FHIT: variants seen among roughly 807,000 people sequenced by gnomAD.
FHIT encodes fragile histidine triad diadenosine triphosphatase, also known as bis(5'-adenosyl)-triphosphatase.
In FHIT, 19 loss-of-function variants were observed where a neutral mutation model predicts 17.9. The observed-to-expected ratio is 1.06, with a 90% CI of 0.74 to 1.56. FHIT has a LOEUF of 1.56. Among genes scored for constraint, FHIT ranks in the 40% most tolerant of loss-of-function variants. The pLI is 0.00. For missense variants in FHIT, 248 were observed against 189.2 expected, an observed-to-expected ratio of 1.31 and a Z score of -1.82; for synonymous variants, 81 against 69.7, an observed-to-expected ratio of 1.16 and a Z score of -0.81.
At chr3:60,263,195 A>G (rs1706390355) in intron 5 of FHIT, among the ~76,000 whole-genome samples, 1 of 152,016 alleles carries the variant, frequency 6.6e-6, no homozygotes, top group Non-Finnish European at 1.5e-5. Context: ...GACTGACAAT[A>G]TCAAGTGTTG....
At chr3:61,083,248 T>C (rs1248563882) in intron 2 of FHIT, among the ~76,000 whole-genome samples, 1 of 152,020 alleles carries the variant, frequency 6.6e-6, no homozygotes, top group Admixed American at 6.6e-5. Flanking sequence ...ATCCACAGAG[T>C]TGTGTAACAA....
At chr3:60,307,208 C>T (rs995886403) in intron 5 of FHIT, among the ~76,000 whole-genome samples, 13 of 152,150 alleles carry the variant, frequency 8.5e-5, no homozygotes, top group African/African-American at 2.7e-4. Context: ...AGTAAAACAT[C>T]TCCTCAAAAA....
At chr3:60,655,746 T>C (rs1416513996) in intron 4 of FHIT, among the ~76,000 whole-genome samples, 1 of 152,206 alleles carries the variant, frequency 6.6e-6, no homozygotes, top group African/African-American at 2.4e-5. Context: ...AAGTGCTAAT[T>C]GCATATTCTC....
At chr3:61,190,566 C>T (rs1205448248) in intron 2 of FHIT, among the ~76,000 whole-genome samples, 7 of 152,094 alleles carry the variant, frequency 4.6e-5, no homozygotes, top group Non-Finnish European at 1.0e-4. Flanking sequence ...TTTGACCCAG[C>T]CATCTCATTA....
chr3:60,876,012 A>G (rs1704638477), intron 3 of FHIT, among the ~76,000 whole-genome samples: 1 of 151,026 alleles, frequency 6.6e-6, no homozygotes, highest in Non-Finnish European at 1.5e-5. Flanking sequence ...CCAGGCCTCA[A>G]TGCAATCAGA....
At chr3:60,061,413 G>A (rs1702289659) in intron 5 of FHIT, among the ~76,000 whole-genome samples, 1 of 152,158 alleles carries the variant, frequency 6.6e-6, no homozygotes, top group Non-Finnish European at 1.5e-5. Flanking sequence ...GAGTCTGTTT[G>A]TAGAGATGGA....
intron 4 of FHIT, among the ~76,000 whole-genome samples, chr3:60,559,855 T>C (rs563410318): frequency 7.9e-5 from 12 of 152,318 alleles, no homozygotes; most frequent in Admixed American, 3.3e-4. Flanking sequence ...CTTCAGCTTA[T>C]TGCTAAGATG....
At chr3:59,790,554 T>C (rs1699510770) in intron 8 of FHIT, among the ~76,000 whole-genome samples, 1 of 152,138 alleles carries the variant, frequency 6.6e-6, no homozygotes, top group Non-Finnish European at 1.5e-5. Context: ...ATAAATCATC[T>C]GTCTTCATCA....
chr3:59,980,811 G>GA (rs772061206), intron 7 of FHIT, among the ~76,000 whole-genome samples: 67 of 152,202 alleles, frequency 4.4e-4, no homozygotes, highest in East Asian at 4.3e-3. Context: ...AAGAATGTGA[G>GA]AAAAAAATGT....
chr3:60,631,369 A>G (rs1374892240), intron 4 of FHIT, among the ~76,000 whole-genome samples: 3 of 152,230 alleles, frequency 2.0e-5, no homozygotes, highest in Non-Finnish European at 2.9e-5. Context: ...CAGAGAGCCT[A>G]AAAACAAGAG....
intron 8 of FHIT, among the ~76,000 whole-genome samples, chr3:59,903,177 CA>C (rs1337860705): frequency 2.6e-5 from 4 of 152,070 alleles, no homozygotes; most frequent in African/African-American, 9.7e-5. Flanking sequence ...ATGGAAAAGA[CA>C]GTGGCACACA....
chr3:60,544,729 T>C (rs1190446040), intron 4 of FHIT, among the ~76,000 whole-genome samples: 3 of 151,630 alleles, frequency 2.0e-5, no homozygotes, highest in Non-Finnish European at 2.9e-5. Flanking sequence ...CCCAAGTAGC[T>C]GGGATTGCAG....
intron 1 of FHIT, among the ~76,000 whole-genome samples, chr3:61,203,502 T>C (rs951199230): frequency 1.3e-5 from 2 of 152,070 alleles, no homozygotes; most frequent in African/African-American, 2.4e-5. Flanking sequence ...AAATAAGATA[T>C]GCTTGAATAA....
At chr3:61,127,616 G>T (rs892593284) in intron 2 of FHIT, among the ~76,000 whole-genome samples, 12 of 152,176 alleles carry the variant, frequency 7.9e-5, no homozygotes, top group African/African-American at 2.9e-4. Context: ...TGTAATCCCA[G>T]CACTTTGGGA....
At chr3:60,418,436 A>T (rs1397440453) in intron 5 of FHIT, among the ~76,000 whole-genome samples, 1 of 138,120 alleles carries the variant, frequency 7.2e-6, no homozygotes, top group Non-Finnish European at 1.5e-5. Flanking sequence ...ACGTGTATAC[A>T]CACACACCAC....
intron 8 of FHIT, among the ~76,000 whole-genome samples, chr3:59,912,865 C>T (rs1559724391): frequency 6.6e-6 from 1 of 151,994 alleles, no homozygotes; most frequent in African/African-American, 2.4e-5. Flanking sequence ...AGAAAAAAAG[C>T]AATTTTCTCT....
rs782407048 is a variant in FHIT at position 60,644,832 on chromosome 3, C to G, written c.-17-107853G>C. Reference sequence around the variant, plus strand: ...TCAGACTGAAAGCCTCCAGATCACCCTGTGGCCCCTCCACCTTATTAGCCA... The same window carrying G: ...TCAGACTGAAAGCCTCCAGATCACCGTGTGGCCCCTCCACCTTATTAGCCA... On this transcript the variant is annotated intron_variant, in intron 4 of 9. Transcript: ENST00000492590. 1.1e-3 allele frequency among the ~76,000 whole-genome samples: 171 copies of G among 152,300 alleles called. 1 individual carries two copies. Among genetic ancestry groups the G allele is most frequent in the Non-Finnish European group, 1.6e-3 (111 of 68,020 alleles).
rs545048442 is a variant in FHIT, at chr3:60,533,113, C to T, written c.103+3747G>A. On this transcript the variant is annotated intron_variant, in intron 5 of 9. Coordinates refer to ENST00000492590, the MANE Select transcript of FHIT (RefSeq NM_002012.4). ...CTCCCATCTGCCATCAATTCATTCA[C>T]TGCTTTTAGATTTAACTCCCTACAC... Among the ~76,000 whole-genome samples, 3 of 152,284 alleles carry T rather than the reference C, an allele frequency of 2.0e-5. No individual in the cohort carries two copies. The South Asian group carries it at 6.2e-4, about 32-fold the overall frequency.
chr3:60,306,989 T>C (rs931371491), intron 5 of FHIT, among the ~76,000 whole-genome samples: 2 of 152,186 alleles, frequency 1.3e-5, no homozygotes, highest in African/African-American at 2.4e-5. Context: ...AGAAATCCTG[T>C]GAAGGCAGAG....
Sources: allele counts gnomAD v4.1 joint callset (sites outside exome capture counted in the v4.1 genomes callset), GRCh38; gene constraint gnomAD v4.1.1; transcripts MANE v1.5; gene names NCBI Gene and HGNC (gene_info 2026-07-23, HGNC 2026-07-21).